Variants in FRAS1 observed in about 807,000 individuals in gnomAD.
The protein encoded by FRAS1 is extracellular matrix organizing protein FRAS1.
A neutral mutation model predicts 435.2 loss-of-function variants in FRAS1; 290 were observed. The ratio of observed to expected loss-of-function variants is 0.67; its 90% CI spans 0.61 to 0.73. The LOEUF (loss-of-function observed/expected upper bound fraction) is 0.73. FRAS1 is among the 30% of genes least tolerant of loss of function. The probability of loss-of-function intolerance (pLI) is 0.00; values close to 1 mark genes in which losing one functional copy is unlikely to be tolerated. For synonymous variants in FRAS1, 1,800 were observed against 1,851.0 expected (o/e 0.97, Z 0.71); for missense variants, 4,860 against 5,001.5 (o/e 0.97, Z 0.85).
chr4:78,229,074 G>A (rs1724401046), intron 2 of FRAS1, among the ~76,000 whole-genome samples: 1 of 152,146 alleles, frequency 6.6e-6, no homozygotes, highest in Non-Finnish European at 1.5e-5. Context: ...CTGTGGGTAT[G>A]GAGGTGGGTT....
chr4:78,196,807 A>G (rs1024362871), intron 2 of FRAS1, among the ~76,000 whole-genome samples: 3 of 152,188 alleles, frequency 2.0e-5, no homozygotes, highest in African/African-American at 7.2e-5. Flanking sequence ...AGACTTGAGA[A>G]ACGCCAACTT....
intron 6 of FRAS1, among the ~76,000 whole-genome samples, chr4:78,260,344 G>A (rs952676625): frequency 6.6e-5 from 10 of 152,052 alleles, no homozygotes; most frequent in Admixed American, 5.9e-4. Flanking sequence ...AGCATGGAAT[G>A]TTCTTCCATT....
intron 19 of FRAS1, among the ~76,000 whole-genome samples, chr4:78,334,714 C>CGT (rs902686604): frequency 5.4e-4 from 82 of 151,962 alleles, no homozygotes; most frequent in African/African-American, 1.9e-3. Context: ...TGTACAGATA[C>CGT]GTGTGTGTAT....
chr4:78,099,639 C>T (rs1018172813), intron 2 of FRAS1, among the ~76,000 whole-genome samples: 1 of 152,134 alleles, frequency 6.6e-6, no homozygotes, highest in African/African-American at 2.4e-5. Context: ...AAACCCTGGC[C>T]AGAGAGTTTT....
At chr4:78,439,776 CTG>C (rs1734581382) in intron 40 of FRAS1, among the ~76,000 whole-genome samples, 1 of 151,972 alleles carries the variant, frequency 6.6e-6, no homozygotes, top group Non-Finnish European at 1.5e-5. Context: ...GACTATGGAC[CTG>C]TAGTCCCATA....
At chr4:78,231,467 A>C (rs928856378) in intron 2 of FRAS1, among the ~76,000 whole-genome samples, 2 of 152,028 alleles carry the variant, frequency 1.3e-5, no homozygotes, top group African/African-American at 2.4e-5. Context: ...TTTTTATTAC[A>C]AAAATATTAT....
At chr4:78,191,133 T>C (rs1305186851) in intron 2 of FRAS1, among the ~76,000 whole-genome samples, 3 of 152,198 alleles carry the variant, frequency 2.0e-5, no homozygotes, top group African/African-American at 7.2e-5. Context: ...TCCAGAACTG[T>C]GAGAAGAAAT....
chr4:78,347,852 C>T (rs2110280372), intron 20 of FRAS1, among the ~76,000 whole-genome samples: 1 of 142,460 alleles, frequency 7.0e-6, no homozygotes, highest in East Asian at 2.2e-4. Flanking sequence ...AAGTCTGATT[C>T]AATCCTATAT....
chr4:78,176,686 G>C (rs1263329798), intron 2 of FRAS1, among the ~76,000 whole-genome samples: 2 of 152,224 alleles, frequency 1.3e-5, no homozygotes, highest in Non-Finnish European at 2.9e-5. Flanking sequence ...GAAGCTTACA[G>C]TGTGGCTGGG....
chr4:78,421,273 G>C (rs1249034151), intron 33 of FRAS1, among the ~76,000 whole-genome samples: 1 of 151,916 alleles, frequency 6.6e-6, no homozygotes, highest in Admixed American at 6.6e-5. Flanking sequence ...TCAGCCTCCC[G>C]GGTAGCTGGG....
chr4:78,376,819 C>T lies in FRAS1; in HGVS notation c.3292+940C>T, dbSNP rs894613363. On this transcript the variant is annotated intron_variant, in intron 26 of 73. Transcript: ENST00000512123. ...CAGCCTGGTCAACATGGCAAAACCC[C>T]GTCTCTACTAAAAATACAAAAATTA... 3.1e-4 allele frequency among the ~76,000 whole-genome samples: 47 copies of T among 151,882 alleles called. 1 individual carries two copies. Among genetic ancestry groups the T allele is most frequent in the Admixed American group, 2.4e-3 (37 of 15,232 alleles).
Position 78,540,805 on chromosome 4 carries a change from G to A in FRAS1, c.11720G>A (p.Gly3907Asp). 6.2e-7 allele frequency: 1 copy of A among 1,613,882 alleles called. No individual in the cohort carries two copies. The highest frequency in any genetic ancestry group is 8.5e-7 in the Non-Finnish European group (1 of 1,179,800). ...CTGTCACAGACTGGGGCGTCCATTG[G>A]CAGTGCCCTGGCTGCAATCATGCTT... The part of the protein sequence containing the change: ...ASLSQTGASI[G>D]SALAAIMLLL... Residue 3907 changes from glycine to aspartate, a missense_variant, in exon 74 of 74, where the codon GGC becomes GAC. Gly to Asp is a moderately conservative substitution (Grantham distance 94). Transcript: ENST00000512123.
intron 2 of FRAS1, among the ~76,000 whole-genome samples, chr4:78,198,316 TC>T: frequency 6.6e-6 from 1 of 152,278 alleles, no homozygotes; most frequent in Non-Finnish European, 1.5e-5. Flanking sequence ...CTTTTAGAGG[TC>T]CCGTGGGCAT....
chr4:78,078,118 T>C (rs1347174678), intron 2 of FRAS1, among the ~76,000 whole-genome samples: 2 of 152,182 alleles, frequency 1.3e-5, no homozygotes, highest in African/African-American at 2.4e-5. Flanking sequence ...TAGATATCTT[T>C]CTATGTCAAT....
At chr4:78,372,200 A>G (rs1371803227) in intron 23 of FRAS1, among the ~76,000 whole-genome samples, 1 of 152,128 alleles carries the variant, frequency 6.6e-6, no homozygotes, top group East Asian at 1.9e-4. Flanking sequence ...TTCTGACATC[A>G]TTGGTTCTTT....
At chr4:78,403,369 T>G (rs2074159584) in intron 30 of FRAS1, among the ~76,000 whole-genome samples, 1 of 152,168 alleles carries the variant, frequency 6.6e-6, no homozygotes, top group Non-Finnish European at 1.5e-5. Flanking sequence ...TTTAATTAAC[T>G]TCTTCCTATG....
In FRAS1 at chr4:78,249,072, T is replaced by TATATATATATGC. The variant is rs1553934057; in HGVS notation, c.310-3310_310-3309insGCATATATATAT. ...TGATATATATATATATGCATATATA[T>TATATATATATGC]ATATATATATATATGCATGTGCTGA... On this transcript the variant is annotated intron_variant, in intron 4 of 73. Transcript: ENST00000512123. Among the ~76,000 whole-genome samples, 4 of 111,922 alleles carry TATATATATATGC rather than the reference T, an allele frequency of 3.6e-5. 1 individual carries two copies. Among genetic ancestry groups the TATATATATATGC allele is most frequent in the Non-Finnish European group, 7.7e-5 (4 of 52,166 alleles). The allele number at this position is 111,922 out of a possible 152,430, so 73.4% of individuals were successfully genotyped here. A position where few individuals can be genotyped will look rare whatever the true frequency, so the allele number is the denominator to read the frequency against.
chr4:78,084,726 T>C (rs959776628), intron 2 of FRAS1, among the ~76,000 whole-genome samples: 1 of 152,092 alleles, frequency 6.6e-6, no homozygotes, highest in African/African-American at 2.4e-5. Context: ...TCAGCTGGTT[T>C]TTCAATGAGC....
chr4:78,421,814 C>A, intron 33 of FRAS1, 49 bp from the exon 34 acceptor site: 2 of 1,600,132 alleles, frequency 1.2e-6, no homozygotes, highest in South Asian at 2.2e-5. Context: ...GTCATTCAGT[C>A]AGTGATGAGA....
Sources: allele counts gnomAD v4.1 joint callset (sites outside exome capture counted in the v4.1 genomes callset), GRCh38; gene constraint gnomAD v4.1.1; transcripts MANE v1.5; gene names NCBI Gene and HGNC (gene_info 2026-07-23, HGNC 2026-07-21).